Variants in GHR observed in about 807,000 individuals in gnomAD.
GHR encodes growth hormone receptor.
GHR carries 35 observed loss-of-function variants against 67.1 expected under a neutral mutation model. The observed-to-expected ratio is 0.52, with a 90% CI of 0.40 to 0.69. The LOEUF is 0.69. Ranked by LOEUF, GHR falls within the 30% of genes least tolerant of loss-of-function variation. The probability of loss-of-function intolerance (pLI) is 0.00; values close to 1 mark genes in which losing one functional copy is unlikely to be tolerated. For synonymous variants in GHR, 272 were observed against 269.1 expected (o/e 1.01, Z -0.10); for missense variants, 792 against 764.6 (o/e 1.04, Z -0.42).
intron 1 of GHR, among the ~76,000 whole-genome samples, chr5:42,536,686 A>G (rs187297603): frequency 6.6e-6 from 1 of 152,094 alleles, no homozygotes; most frequent in African/African-American, 2.4e-5. Context: ...CATAGAATGG[A>G]TTAGGGAGGG....
chr5:42,686,825 G>C (rs6451635), intron 3 of GHR, among the ~76,000 whole-genome samples: 126,921 of 151,898 alleles, frequency 0.84, 53,233 homozygotes, highest in East Asian at 1. Flanking sequence ...AAACTCTGGC[G>C]AGGGCAGTCA....
At position 42,458,178 on chromosome 5, in the gene GHR, G is replaced by A. The variant is rs192576334; in HGVS notation, c.-12+34223G>A. Among the ~76,000 whole-genome samples, 220 of 152,096 alleles carry A rather than the reference G, an allele frequency of 1.4e-3. 2 individuals carry two copies. The highest frequency in any genetic ancestry group is 4.5e-3 in the African/African-American group (186 of 41,502). Reference sequence around the variant, plus strand: ...TTGATTGGACAATGAGAATGTTTTTGTCTCTCTGAAACTGAGGCTGAAAGT... The same window carrying A: ...TTGATTGGACAATGAGAATGTTTTTATCTCTCTGAAACTGAGGCTGAAAGT... On this transcript the variant is annotated intron_variant, in intron 1 of 9. Transcript: ENST00000230882.
At chr5:42,534,879 A>T (rs1172064705) in intron 1 of GHR, among the ~76,000 whole-genome samples, 2 of 151,874 alleles carry the variant, frequency 1.3e-5, no homozygotes, top group African/African-American at 4.8e-5. Context: ...ACATGGTATC[A>T]CATTGTGGTT....
chr5:42,444,671 T>G (rs1459272937), intron 1 of GHR, among the ~76,000 whole-genome samples: 1 of 152,208 alleles, frequency 6.6e-6, no homozygotes, highest in African/African-American at 2.4e-5. Flanking sequence ...AGCTTCAAAC[T>G]GAACTACCTC....
At chr5:42,490,702 A>G (rs1746078885) in intron 1 of GHR, among the ~76,000 whole-genome samples, 2 of 152,268 alleles carry the variant, frequency 1.3e-5, no homozygotes, top group Admixed American at 6.5e-5. Flanking sequence ...GTGATATGGT[A>G]GTATCCATCT....
chr5:42,680,821 G>T (rs1000956434), intron 3 of GHR, among the ~76,000 whole-genome samples: 1 of 150,038 alleles, frequency 6.7e-6, no homozygotes, highest in South Asian at 2.2e-4. Flanking sequence ...ATGATTTTTT[G>T]ATTGAATGCT....
intron 1 of GHR, chr5:42,468,031 A>G (rs1256782025): frequency 1.6e-5 from 13 of 811,272 alleles, no homozygotes; most frequent in Non-Finnish European, 2.5e-5. Context: ...GTCCTTAAGG[A>G]TCAGCTTTCT....
intron 3 of GHR, among the ~76,000 whole-genome samples, chr5:42,657,956 CA>C (rs1755345672): frequency 6.6e-6 from 1 of 152,090 alleles, no homozygotes; most frequent in Non-Finnish European, 1.5e-5. Flanking sequence ...CTTATTTTCC[CA>C]ACCAGGCTGA....
At chr5:42,677,175 C>T (rs1756611417) in intron 3 of GHR, among the ~76,000 whole-genome samples, 1 of 152,126 alleles carries the variant, frequency 6.6e-6, no homozygotes, top group Non-Finnish European at 1.5e-5. Flanking sequence ...AGTGAGAGAA[C>T]TCAAAACTCC....
chr5:42,523,388 T>C (rs1303678929), intron 1 of GHR, among the ~76,000 whole-genome samples: 1 of 152,208 alleles, frequency 6.6e-6, no homozygotes, highest in African/African-American at 2.4e-5. Context: ...CTGGCTCCAT[T>C]TTTCCAATGA....
intron 1 of GHR, among the ~76,000 whole-genome samples, chr5:42,536,729 A>G (rs1748273501): frequency 6.6e-6 from 1 of 152,156 alleles, no homozygotes; most frequent in Non-Finnish European, 1.5e-5. Context: ...GAATAGCATC[A>G]AAAGGATTGG....
chr5:42,584,306 C>G (rs951743482), intron 2 of GHR, among the ~76,000 whole-genome samples: 3 of 152,066 alleles, frequency 2.0e-5, no homozygotes, highest in Admixed American at 2.0e-4. Flanking sequence ...CAGTGTGTCT[C>G]TGCATAATCT....
intron 7 of GHR, 146 bp downstream of exon 7, chr5:42,711,518 G>A (rs1579660596): frequency 1.0e-5 from 7 of 693,906 alleles, no homozygotes; most frequent in Admixed American, 2.2e-5. Flanking sequence ...CTCACTATCT[G>A]TAACAGATAT....
chr5:42,702,333 A>G (rs1469569466), intron 6 of GHR, among the ~76,000 whole-genome samples: 6 of 152,076 alleles, frequency 3.9e-5, no homozygotes, highest in Non-Finnish European at 7.4e-5. Context: ...TTTTCTTAAT[A>G]TAATATCCTC....
intron 2 of GHR, among the ~76,000 whole-genome samples, chr5:42,626,282 G>A (rs1753699488): frequency 6.6e-6 from 1 of 152,192 alleles, no homozygotes. Flanking sequence ...CCAACTGCAA[G>A]TAATAGGTTG....
intron 1 of GHR, among the ~76,000 whole-genome samples, chr5:42,536,198 A>C (rs1024847223): frequency 6.6e-6 from 1 of 152,080 alleles, no homozygotes; most frequent in Admixed American, 6.6e-5. Flanking sequence ...TCCCAGTACT[A>C]TGTTGAAGAG....
chr5:42,708,649 G>A (rs1370643198), intron 6 of GHR, among the ~76,000 whole-genome samples: 1 of 152,054 alleles, frequency 6.6e-6, no homozygotes, highest in African/African-American at 2.4e-5. Flanking sequence ...AAAAAACAAA[G>A]ATATAAATCA....
chr5:42,649,816 T>C (rs1435857886), intron 3 of GHR, among the ~76,000 whole-genome samples: 1 of 152,146 alleles, frequency 6.6e-6, no homozygotes, highest in Non-Finnish European at 1.5e-5. Flanking sequence ...TCTGCAAACA[T>C]TTTGAAAATA....
At chr5:42,513,675 G>A (rs1006213974) in intron 1 of GHR, among the ~76,000 whole-genome samples, 34 of 151,988 alleles carry the variant, frequency 2.2e-4, no homozygotes, top group African/African-American at 7.0e-4. Context: ...CCAGCTACTC[G>A]GGATGCTGAG....
Sources: gnomAD v4.1 joint callset for allele counts (sites outside exome capture counted in the v4.1 genomes callset) on GRCh38, gnomAD v4.1.1 for gene constraint, MANE v1.5 for transcripts, NCBI Gene and HGNC (gene_info 2026-07-23, HGNC 2026-07-21) for gene names.